Variants in EDA observed in about 807,000 individuals in gnomAD.
EDA encodes ectodysplasin A, also known as ectodysplasin-A.
EDA carries 2 observed loss-of-function variants against 23.6 expected under a neutral mutation model. That is an observed-to-expected ratio of 0.08 (90% CI 0.03 to 0.27). The LOEUF is 0.27. Among genes scored for constraint, EDA ranks in the 10% least tolerant of loss-of-function variants. EDA has a pLI of 1.00. For missense variants in EDA, 229 were observed against 324.2 expected (o/e 0.71, Z 2.26); for synonymous variants, 131 against 132.0 (o/e 0.99, Z 0.05).
chrX:69,907,203 AT>A lies in EDA; in HGVS notation c.397-49817del, dbSNP rs751227544. On this transcript the variant is annotated intron_variant, in intron 1 of 7. Transcript: ENST00000374552. ...TGTCCCCCTTGTCTTGATATACTAC[AT>A]TTTTTTAAATGATAAGAGGCTTTCA... 9.7e-3 allele frequency among the ~76,000 whole-genome samples: 1,085 copies of A among 111,808 alleles called. 17 individuals are homozygous for A. The South Asian group carries it at 0.12, about 13-fold the overall frequency.
intron 1 of EDA, among the ~76,000 whole-genome samples, chrX:69,715,891 G>C (rs1396111230): frequency 9.0e-6 from 1 of 111,190 alleles, no homozygotes; most frequent in Non-Finnish European, 1.9e-5. Context: ...CTTTTGAAAA[G>C]TGTCTGTTCA....
At chrX:69,882,694 A>G (rs186605834) in intron 1 of EDA, among the ~76,000 whole-genome samples, 66 of 73,963 alleles carry the variant, frequency 8.9e-4, no homozygotes, top group African/African-American at 3.0e-3. Context: ...GTCAATTCTC[A>G]GTGTTTGTAA....
intron 1 of EDA, among the ~76,000 whole-genome samples, chrX:69,902,015 A>C (rs2018106104): frequency 8.9e-6 from 1 of 112,301 alleles, no homozygotes; most frequent in African/African-American, 3.2e-5. Flanking sequence ...AAATGATATC[A>C]CATATGATCT....
intron 1 of EDA, among the ~76,000 whole-genome samples, chrX:69,689,214 TTTTA>T (rs903973291): frequency 4.5e-5 from 5 of 110,599 alleles, no homozygotes; most frequent in South Asian, 3.8e-4. Flanking sequence ...TCTTCTTTTT[TTTTA>T]TTTATTATTA....
chrX:70,022,338 A>AT (rs201926519), intron 2 of EDA, among the ~76,000 whole-genome samples: 119 of 105,820 alleles, frequency 1.1e-3, no homozygotes, highest in African/African-American at 3.8e-3. Flanking sequence ...ATTTTATTTT[A>AT]TTTATTTATT....
At chrX:69,758,139 C>T (rs1230031444) in intron 1 of EDA, among the ~76,000 whole-genome samples, 1 of 112,287 alleles carries the variant, frequency 8.9e-6, no homozygotes, top group Admixed American at 9.4e-5. Flanking sequence ...TACATGTGCT[C>T]CTCTTTGGAA....
At chrX:70,029,289 G>A (rs760893560) in intron 4 of EDA, among the ~76,000 whole-genome samples, 51 of 112,416 alleles carry the variant, frequency 4.5e-4, no homozygotes, top group Non-Finnish European at 9.2e-4. Context: ...ATACTCAGAA[G>A]TTTCCCTGCT....
intron 2 of EDA, among the ~76,000 whole-genome samples, chrX:70,015,532 C>T (rs1426429642): frequency 1.8e-5 from 2 of 111,400 alleles, no homozygotes; most frequent in African/African-American, 6.5e-5. Flanking sequence ...GAGATCACGC[C>T]TTTGCACTCC....
chrX:69,901,774 G>A (rs1203887585), intron 1 of EDA, among the ~76,000 whole-genome samples: 1 of 111,493 alleles, frequency 9.0e-6, no homozygotes, highest in Non-Finnish European at 1.9e-5. Flanking sequence ...AAGAAAAGTG[G>A]GGAGCTCAGT....
At chrX:69,655,787 T>TATATATATATATATATATATATATATATA (rs6151315) in intron 1 of EDA, among the ~76,000 whole-genome samples, 176 of 88,301 alleles carry the variant, frequency 2.0e-3, no homozygotes, top group African/African-American at 2.7e-3. Context: ...TATATATATA[T>TATATATATATATATATATATATATATATA]TGCACTTTGT....
At chrX:69,686,878 C>G (rs756706067) in intron 1 of EDA, among the ~76,000 whole-genome samples, 1 of 111,624 alleles carries the variant, frequency 9.0e-6, no homozygotes, top group African/African-American at 3.3e-5. Context: ...TAATGCTGCT[C>G]TCAATATTTG....
intron 2 of EDA, among the ~76,000 whole-genome samples, chrX:69,987,318 AAAT>A (rs2019514651): frequency 9.7e-6 from 1 of 103,014 alleles, no homozygotes; most frequent in Non-Finnish European, 2.0e-5. Context: ...TTTTAAAAAT[AAAT>A]AAATAAAAAA....
At chrX:69,775,045 T>G (rs1256441835) in intron 1 of EDA, among the ~76,000 whole-genome samples, 2 of 111,899 alleles carry the variant, frequency 1.8e-5, no homozygotes, top group African/African-American at 6.5e-5. Flanking sequence ...CTTTAAAAAA[T>G]CATTATATGT....
chrX:69,755,536 G>T (rs1413407439), intron 1 of EDA, among the ~76,000 whole-genome samples: 1 of 112,106 alleles, frequency 8.9e-6, no homozygotes, highest in Non-Finnish European at 1.9e-5. Flanking sequence ...GAGGCAGTCT[G>T]TCTGTCCTCA....
At chrX:69,676,248 G>A (rs1296873582) in intron 1 of EDA, among the ~76,000 whole-genome samples, 1 of 111,581 alleles carries the variant, frequency 9.0e-6, no homozygotes, top group Non-Finnish European at 1.9e-5. Context: ...GAAAACTTTA[G>A]CTGCTGGGTT....
intron 1 of EDA, among the ~76,000 whole-genome samples, chrX:69,756,527 A>T (rs765138923): frequency 1.2e-4 from 13 of 111,557 alleles, no homozygotes; most frequent in Non-Finnish European, 2.4e-4. Context: ...GAGAGCCCTC[A>T]TCCATCTGCT....
intron 1 of EDA, among the ~76,000 whole-genome samples, chrX:69,882,946 C>T (rs971154437): frequency 8.9e-6 from 1 of 111,956 alleles, no homozygotes; most frequent in African/African-American, 3.2e-5. Context: ...AGGTGATCCA[C>T]CCCCCAATCC....
intron 1 of EDA, among the ~76,000 whole-genome samples, chrX:69,712,727 T>C (rs2012121221): frequency 9.0e-6 from 1 of 111,387 alleles, no homozygotes; most frequent in African/African-American, 3.3e-5. Context: ...ACCCAAAGCA[T>C]TATAAACCAT....
intron 2 of EDA, among the ~76,000 whole-genome samples, chrX:70,013,786 T>A (rs1422817864): frequency 9.0e-6 from 1 of 111,423 alleles, no homozygotes; most frequent in Non-Finnish European, 1.9e-5. Context: ...ATACTGCCCT[T>A]GCTGCTCTCT....
Sources: allele counts gnomAD v4.1 joint callset (sites outside exome capture counted in the v4.1 genomes callset), GRCh38; gene constraint gnomAD v4.1.1; transcripts MANE v1.5; gene names NCBI Gene and HGNC (gene_info 2026-07-23, HGNC 2026-07-21).